Variants in PAX4 observed in about 807,000 individuals in gnomAD.
The protein encoded by PAX4 is paired box 4.
PAX4 carries 33 observed loss-of-function variants against 40.6 expected under a neutral mutation model. The ratio of observed to expected loss-of-function variants is 0.81; its 90% CI spans 0.62 to 1.09. The LOEUF (loss-of-function observed/expected upper bound fraction) is 1.09, where lower values mean the gene tolerates loss of function less well. Among genes scored for constraint, PAX4 ranks in the 50% least tolerant of loss-of-function variants. The pLI is 0.00. For missense variants in PAX4, 459 were observed against 442.5 expected (o/e 1.04, Z -0.33); for synonymous variants, 174 against 170.6 (o/e 1.02, Z -0.16).
Position 127,613,098 on chromosome 7 carries a change from G to T in PAX4, c.646-7C>A, listed in dbSNP as rs11977988. Reference sequence around the variant, plus strand: ...TTCTGTTGGAAAACCAGACCTGAGCGAGGACAGGGACAATGCAGCTGGCTG... The same window carrying T: ...TTCTGTTGGAAAACCAGACCTGAGCTAGGACAGGGACAATGCAGCTGGCTG... On this transcript the variant is annotated splice_polypyrimidine_tract_variant and splice_region_variant and intron_variant, in intron 8 of 11. Transcript: ENST00000639438. 6.2e-7 allele frequency: 1 copy of T among 1,611,812 alleles called. No individual in the cohort carries two copies. Among genetic ancestry groups the T allele is most frequent in the Non-Finnish European group, 8.5e-7 (1 of 1,178,430 alleles).
chr7:127,615,729 C>T (rs946223406), intron 3 of PAX4, 187 bp downstream of exon 3: 4 of 1,501,826 alleles, frequency 2.7e-6, no homozygotes, highest in Non-Finnish European at 3.5e-6. Flanking sequence ...AGTCTTTGTT[C>T]CTTGCCCATA....
At chr7:127,611,865 C>A in intron 10 of PAX4, 80 bp downstream of exon 10, 1 of 1,605,134 alleles carries the variant, frequency 6.2e-7, no homozygotes, top group South Asian at 1.1e-5. Context: ...AGCCGGAGAT[C>A]CTGGCTCAGG....
Position 127,611,676 on chromosome 7 carries a change from G to T in PAX4, c.772C>A (p.Gln258Lys). The T allele has an allele frequency of 6.2e-7, 1 of 1,608,182 alleles. No homozygotes were observed. ...RVAPGIISAQ[Q>K]SPGSVPTAAL... ...GCTGTGGGCACACTGCCAGGGGACT[G>T]CTAAAAAAAAAAAGCAAGAGAAGAA... The change falls in exon 11 of 12, where the codon CAG becomes AAG. Residue 258 changes from glutamine (Q) to lysine (K), a missense_variant and splice_region_variant. Gln to Lys is a moderately conservative substitution (Grantham distance 53). Coordinates refer to ENST00000639438, the MANE Select transcript of PAX4 (RefSeq NM_001366110.1).
In PAX4 at chr7:127,615,525, C is replaced by A; in HGVS notation, c.20G>T (p.Ser7Ile). 2 of 1,614,052 alleles carry A rather than the reference C, an allele frequency of 1.2e-6. No individual in the cohort carries two copies. The highest frequency in any genetic ancestry group is 2.2e-5 in the South Asian group (2 of 91,078). The change falls in exon 4 of 12, where the codon AGC becomes ATC. Residue 7 changes from serine (S) to isoleucine (I), a missense_variant. Physicochemically the swap from Ser to Ile is moderately radical, Grantham distance 142. Transcript: ENST00000639438. Reference sequence around the variant, plus strand: ...GAGCCCCCCAAGCTGGTTCATGCTGCTGATCCCTGGGCGTGAGACAGAGGT... The same window carrying A: ...GAGCCCCCCAAGCTGGTTCATGCTGATGATCCCTGGGCGTGAGACAGAGGT... Reference protein sequence around the residue: MHQDGISSMNQLGGLFV... With the variant: MHQDGIISMNQLGGLFV...
intron 3 of PAX4, 43 bp from the exon 4 acceptor site, chr7:127,615,574 G>T (rs759061457): frequency 3.7e-6 from 6 of 1,611,582 alleles, no homozygotes; most frequent in East Asian, 4.5e-5. Context: ...CTCTCCCACT[G>T]CCCTGCCCGC....
rs12669223 is a variant in PAX4 at position 127,610,777 on chromosome 7, G to A, written c.*287C>T. ...AGAGTGGGCATAGGGGTGCTCATAG[G>A]GAAAACATGATGGACAACAGAACTA... is the stretch of plus-strand genomic sequence containing the variant. On this transcript the variant is annotated 3_prime_UTR_variant, in exon 12 of 12. Coordinates refer to ENST00000639438, the MANE Select transcript of PAX4 (RefSeq NM_001366110.1). 5.4e-3 allele frequency: 6,408 copies of A among 1,188,094 alleles called. 445 individuals carry two copies. In the East Asian group the frequency reaches 0.15, roughly 27 times the overall value. 73.6% of individuals were successfully genotyped at this position (1,188,094 alleles called of 1,614,324 possible). A position where few individuals can be genotyped will look rare whatever the true frequency, so the allele number is the denominator to read the frequency against.
At chr7:127,617,177 G>A (rs559279560) in intron 2 of PAX4, 98 bp downstream of exon 2, 1 of 152,332 alleles carries the variant, frequency 6.6e-6, no homozygotes, top group African/African-American at 2.4e-5. Flanking sequence ...AGAGCAACTG[G>A]AGAAAAGAGA....
At chr7:127,615,354 T>C (rs367730675) in intron 4 of PAX4, 47 bp downstream of exon 4, 28 of 1,613,696 alleles carry the variant, frequency 1.7e-5, no homozygotes, top group Non-Finnish European at 2.2e-5. Flanking sequence ...GAGCCCTTTC[T>C]CCCTGCTTCC....
chr7:127,613,509 C>G lies in PAX4; in HGVS notation c.586G>C (p.Asp196His). 2 of 1,614,210 alleles carry G rather than the reference C, an allele frequency of 1.2e-6. No individual in the cohort carries two copies. The highest frequency in any genetic ancestry group is 1.7e-6 in the Non-Finnish European group (2 of 1,180,030). Residue 196 changes from aspartate to histidine, a missense_variant, in exon 8 of 12, where the codon GAT becomes CAT. Physicochemically the swap from Asp to His is moderately conservative, Grantham distance 81. Transcript: ENST00000639438. ...GCCAGCTTTCCACGGGCCACTGAAT[C>G]AGGATACTGCCCACGCTGGAACTCT... Reference protein sequence around the residue: ...EKEFQRGQYPDSVARGKLATA... With the variant: ...EKEFQRGQYPHSVARGKLATA...
At chr7:127,616,430 G>GTT (rs1794725085) in intron 2 of PAX4, among the ~76,000 whole-genome samples, 1 of 152,180 alleles carries the variant, frequency 6.6e-6, no homozygotes, top group Admixed American at 6.5e-5. Flanking sequence ...GGGTCCTCAA[G>GTT]TTCAGGGGTC....
In PAX4 at chr7:127,610,959, T is replaced by G. The variant is rs1794613683; in HGVS notation, c.*105A>C. The G allele has an allele frequency of 6.4e-7, 1 of 1,550,694 alleles. No individual in the cohort carries two copies. On this transcript the variant is annotated 3_prime_UTR_variant, in exon 12 of 12. Coordinates refer to ENST00000639438, the MANE Select transcript of PAX4 (RefSeq NM_001366110.1). ...GCAACGTCCACACAGGAGGGAGCAA[T>G]CACAGGAAGGAGGAAGGAGCCACAG...
Position 127,614,996 on chromosome 7 carries a change from G to T in PAX4, c.244C>A (p.Pro82Thr), listed in dbSNP as rs1268605378. ...TGGGCAATTCGAGCCACCACAGGGGGTGTAGCCAGCCGTGGCTTGCTTCCC... is the reference window on the plus strand; with the variant it reads ...TGGGCAATTCGAGCCACCACAGGGGTTGTAGCCAGCCGTGGCTTGCTTCCC... ...IGGSKPRLATPPVVARIAQLK... is the reference protein window; with the variant it reads ...IGGSKPRLATTPVVARIAQLK... The change falls in exon 5 of 12, where the codon CCC becomes ACC. Residue 82 changes from proline to threonine, a missense_variant. Physicochemically the swap from Pro to Thr is conservative, Grantham distance 38. Transcript: ENST00000639438. 13 of 1,614,196 alleles carry T rather than the reference G, an allele frequency of 8.1e-6. No homozygotes were observed. Among genetic ancestry groups the T allele is most frequent in the Non-Finnish European group, 1.1e-5 (13 of 1,180,036 alleles).
chr7:127,611,003 T>C lies in PAX4; in HGVS notation c.*61A>G, dbSNP rs975368623. On this transcript the variant is annotated 3_prime_UTR_variant, in exon 12 of 12. Coordinates refer to ENST00000639438, the MANE Select transcript of PAX4 (RefSeq NM_001366110.1). ...GCCACAGTCTGTATGGGCAGGACGG[T>C]AAGGACAATGGGCAGGATGGTATTA... 1.3e-6 allele frequency: 2 copies of C among 1,557,864 alleles called. No individual in the cohort carries two copies. The highest frequency in any genetic ancestry group is 1.7e-6 in the Non-Finnish European group (2 of 1,149,688).
rs571619646 is a variant in PAX4, at chr7:127,615,065, C to G, written c.175G>C (p.Gly59Arg). The G allele has an allele frequency of 1.9e-5, 30 of 1,614,170 alleles. No individual in the cohort carries two copies. The East Asian group carries it at 6.2e-4, about 34-fold the overall frequency. The stretch of plus-strand genomic sequence containing the variant: ...AAGACACCTGTGCGGTAGTAACGCC[C>G]TAGGATCTTGCTCACACAGCCATTA... The part of the protein sequence containing the change: ...VSNGCVSKIL[G>R]RYYRTGVLEP... The change falls in exon 5 of 12, where the codon GGG becomes CGG. Residue 59 changes from glycine (G) to arginine (R), a missense_variant. By Grantham distance (125) the Gly-to-Arg change is moderately radical. Coordinates refer to ENST00000639438, the MANE Select transcript of PAX4 (RefSeq NM_001366110.1).
intron 11 of PAX4, 70 bp from the exon 12 acceptor site, chr7:127,611,276 G>C: frequency 7.0e-7 from 1 of 1,423,320 alleles, no homozygotes; most frequent in Admixed American, 1.9e-5. Flanking sequence ...CTATGGGAGA[G>C]AGGCTGAGAC....
rs1191542572 is a variant in PAX4 at position 127,611,075 on chromosome 7, C to G, written c.1045G>C (p.Gly349Arg). ...TTCCCACTCCTGCCTCATTCCAAGC[C>G]ATACAGTAGTGGGCAGCCAGGCCAG... ...LLWPGCPLLY[G>R]LE Residue 349 changes from glycine (G) to arginine (R), a missense_variant, in exon 12 of 12, where the codon GGC (glycine) becomes CGC (arginine). Coordinates refer to ENST00000639438, the MANE Select transcript of PAX4 (RefSeq NM_001366110.1). The G allele has an allele frequency of 6.2e-7, 1 of 1,606,572 alleles. No homozygotes were observed. The highest frequency in any genetic ancestry group is 1.1e-5 in the South Asian group (1 of 89,686).
Position 127,614,564 on chromosome 7 carries a change from G to A in PAX4, c.361-7C>T, listed in dbSNP as rs1250860719. 6.3e-7 allele frequency: 1 copy of A among 1,584,726 alleles called. No individual in the cohort carries two copies. Among genetic ancestry groups the A allele is most frequent in the Admixed American group, 1.8e-5 (1 of 55,876 alleles). ...CTCGGTTGATGGAGGAGACCTGGGA[G>A]TGTCAGGGTGTTGAGTGGAGAGATG... On this transcript the variant is annotated splice_region_variant and splice_polypyrimidine_tract_variant and intron_variant, in intron 5 of 11. Coordinates refer to ENST00000639438, the MANE Select transcript of PAX4 (RefSeq NM_001366110.1).
intron 11 of PAX4, 30 bp from the exon 12 acceptor site, chr7:127,611,236 T>C: frequency 1.9e-6 from 3 of 1,556,908 alleles, no homozygotes; most frequent in Non-Finnish European, 2.6e-6. Context: ...GAGCTTGGGG[T>C]TATTGCTCCC....
chr7:127,611,416 A>G, intron 11 of PAX4, 119 bp downstream of exon 11: 1 of 1,580,570 alleles, frequency 6.3e-7, no homozygotes, highest in Non-Finnish European at 8.6e-7. Context: ...GCAAAGAATG[A>G]GGAAAGCTGT....
Sources: gnomAD v4.1 joint callset for allele counts (sites outside exome capture counted in the v4.1 genomes callset) on GRCh38, gnomAD v4.1.1 for gene constraint, MANE v1.5 for transcripts, NCBI Gene and HGNC (gene_info 2026-07-23, HGNC 2026-07-21) for gene names.